The following PTPRN2 variants were observed in gnomAD, a reference collection of about 807,000 sequenced individuals.
PTPRN2 encodes protein tyrosine phosphatase receptor type N2.
PTPRN2 carries 74 observed loss-of-function variants against 118.8 expected under a neutral mutation model. The observed-to-expected ratio is 0.62, with a 90% confidence interval of 0.52 to 0.76. PTPRN2 has a LOEUF of 0.76. Among genes scored for constraint, PTPRN2 ranks in the 30% least tolerant of loss-of-function variants. The probability of loss-of-function intolerance (pLI) is 0.00; values close to 1 mark genes in which losing one functional copy is unlikely to be tolerated. For synonymous variants in PTPRN2, 641 were observed against 608.0 expected (o/e 1.05, Z -0.80); for missense variants, 1,481 against 1,394.4 (o/e 1.06, Z -0.99).
At chr7:158,441,877 G>A (rs1232182095) in intron 2 of PTPRN2, among the ~76,000 whole-genome samples, 1 of 143,028 alleles carries the variant, frequency 7.0e-6, no homozygotes, top group Non-Finnish European at 1.5e-5. Flanking sequence ...TGGCAGTGGT[G>A]GTGATAGTGA....
rs189442030 is a variant in PTPRN2 at position 158,149,836 on chromosome 7, C to G, written c.911-11321G>C. 9.9e-5 allele frequency among the ~76,000 whole-genome samples: 15 copies of G among 150,870 alleles called. 1 individual carries two copies. The highest frequency in any genetic ancestry group is 9.9e-4 in the Admixed American group (15 of 15,136). On this transcript the variant is annotated intron_variant, in intron 6 of 22. Coordinates refer to ENST00000389418, the MANE Select transcript of PTPRN2 (RefSeq NM_002847.5). Reference sequence around the variant, plus strand: ...AAAAAAAGATAAACCCAAGTGATGTCTCTTGAAAAAACAAAAAAATTACTG... The same window carrying G: ...AAAAAAAGATAAACCCAAGTGATGTGTCTTGAAAAAACAAAAAAATTACTG...
At chr7:158,343,577 C>T (rs1014535600) in intron 2 of PTPRN2, among the ~76,000 whole-genome samples, 1 of 149,250 alleles carries the variant, frequency 6.7e-6, no homozygotes, top group Non-Finnish European at 1.5e-5. Flanking sequence ...AAGCAGGGCT[C>T]GCGCAGAGGC....
At position 157,587,342 on chromosome 7, in the gene PTPRN2, C is replaced by G. The variant is rs1800740626; in HGVS notation, c.2496+7896G>C. On this transcript the variant is annotated intron_variant, in intron 17 of 22. Coordinates refer to ENST00000389418, the MANE Select transcript of PTPRN2 (RefSeq NM_002847.5). This position sits in a 1 kb window ranked among gnomAD's most constrained non-coding sequence, Gnocchi z 5.3. ...CTGCACGGTGACAGTCAGCTGTCAA[C>G]TGTCATTCTCCTGCACCTCGGCCTT... 1.3e-5 allele frequency among the ~76,000 whole-genome samples: 2 copies of G among 152,216 alleles called. No homozygotes were observed. Among genetic ancestry groups the G allele is most frequent in the Admixed American group, 6.5e-5 (1 of 15,284 alleles).
chr7:157,555,109 C>G (rs938466627), intron 21 of PTPRN2, among the ~76,000 whole-genome samples: 19 of 151,866 alleles, frequency 1.3e-4, no homozygotes, highest in Non-Finnish European at 2.8e-4. Context: ...GCCACAGACA[C>G]CAGGCTCTGC....
intron 12 of PTPRN2, among the ~76,000 whole-genome samples, chr7:157,696,904 T>A (rs1352732100): frequency 2.6e-5 from 3 of 113,414 alleles, no homozygotes; most frequent in Admixed American, 9.1e-5. Flanking sequence ...TACCCATGCA[T>A]ACTGGGTCTT....
intron 2 of PTPRN2, among the ~76,000 whole-genome samples, chr7:158,330,957 C>T (rs1469820997): frequency 9.6e-6 from 1 of 103,690 alleles, no homozygotes; most frequent in Non-Finnish European, 1.9e-5. Context: ...AGCTGTCACA[C>T]GCAGACGACA....
chr7:157,549,198 A>G (rs530115201), intron 21 of PTPRN2, among the ~76,000 whole-genome samples, 179 bp from the exon 22 acceptor site: 1 of 152,350 alleles, frequency 6.6e-6, no homozygotes, highest in African/African-American at 2.4e-5. Flanking sequence ...AGACGAAGGC[A>G]GGGGCAGCTT....
chr7:158,363,114 C>G (rs982403843), intron 2 of PTPRN2, among the ~76,000 whole-genome samples: 1 of 152,176 alleles, frequency 6.6e-6, no homozygotes, highest in African/African-American at 2.4e-5. Flanking sequence ...AAAGCCCTTT[C>G]CCTGGGGCCA....
In PTPRN2 at chr7:158,570,187, C is replaced by G. The variant is rs1024890457; in HGVS notation, c.112+17371G>C. Among the ~76,000 whole-genome samples, 1 of 152,150 alleles carries G rather than the reference C, an allele frequency of 6.6e-6. No homozygotes were observed. The highest frequency in any genetic ancestry group is 2.4e-5 in the African/African-American group (1 of 41,442). On this transcript the variant is annotated intron_variant, in intron 1 of 22. Transcript: ENST00000389418. This position sits in a 1 kb window ranked among gnomAD's most constrained non-coding sequence, Gnocchi z 4.5. ...GACCTGGGCAGCCAGGCGGGGAGCG[C>G]GCAGCCACAGCCCGCGTTTCCGGGC...
chr7:157,722,846 G>A (rs551212544), intron 12 of PTPRN2, among the ~76,000 whole-genome samples: 38 of 152,214 alleles, frequency 2.5e-4, no homozygotes, highest in Non-Finnish European at 4.7e-4. Flanking sequence ...CTGCTCCCAC[G>A]GGTTCGATGT....
At chr7:157,710,529 C>A (rs1359773960) in intron 12 of PTPRN2, among the ~76,000 whole-genome samples, 1 of 134,052 alleles carries the variant, frequency 7.5e-6, no homozygotes, top group African/African-American at 2.8e-5. Flanking sequence ...CAGAGAGTGA[C>A]ATGGCTGCGG....
chr7:158,300,711 C>T (rs1478163872), intron 3 of PTPRN2, among the ~76,000 whole-genome samples: 1 of 144,888 alleles, frequency 6.9e-6, no homozygotes, highest in Non-Finnish European at 1.5e-5. Context: ...ACCAAGGGTC[C>T]CACCCTCTCT....
intron 3 of PTPRN2, among the ~76,000 whole-genome samples, chr7:158,257,394 C>G (rs1797096154): frequency 6.6e-6 from 1 of 152,192 alleles, no homozygotes; most frequent in Non-Finnish European, 1.5e-5. Flanking sequence ...CTCAGCGTTA[C>G]AATGAGATGG....
intron 2 of PTPRN2, among the ~76,000 whole-genome samples, chr7:158,411,340 G>A (rs542951408): frequency 5.3e-5 from 8 of 152,282 alleles, no homozygotes; most frequent in Admixed American, 1.3e-4. Context: ...GTCGCTTCCC[G>A]TGATGAAGTG....
intron 5 of PTPRN2, among the ~76,000 whole-genome samples, chr7:158,189,595 A>G (rs983644861): frequency 6.6e-6 from 1 of 152,228 alleles, no homozygotes; most frequent in African/African-American, 2.4e-5. Flanking sequence ...TGCTTCACAG[A>G]AAAGTGTCAA....
At chr7:158,223,852 G>A (rs1431056185) in intron 3 of PTPRN2, among the ~76,000 whole-genome samples, 3 of 151,958 alleles carry the variant, frequency 2.0e-5, no homozygotes, top group African/African-American at 7.2e-5. Context: ...AAGATATGCA[G>A]ACACAAAGGA....
chr7:157,721,525 C>T (rs746125832), intron 12 of PTPRN2, among the ~76,000 whole-genome samples: 30 of 152,200 alleles, frequency 2.0e-4, no homozygotes, highest in Non-Finnish European at 2.6e-4. Flanking sequence ...GACTGTCAGC[C>T]GAGCCCAGCG....
intron 21 of PTPRN2, among the ~76,000 whole-genome samples, chr7:157,551,720 C>T (rs1798628697): frequency 6.9e-6 from 1 of 144,432 alleles, no homozygotes. Context: ...ACCACACACC[C>T]CACAGCCACC....
chr7:158,324,142 C>T (rs760882283), intron 2 of PTPRN2, among the ~76,000 whole-genome samples: 49 of 152,156 alleles, frequency 3.2e-4, no homozygotes, highest in Non-Finnish European at 5.3e-4. Flanking sequence ...CACGCCCACA[C>T]GCGTACGCTC....
Sources: allele counts gnomAD v4.1 joint callset (sites outside exome capture counted in the v4.1 genomes callset), GRCh38; gene constraint gnomAD v4.1.1; non-coding constraint Gnocchi (gnomAD v3.1); transcripts MANE v1.5; gene names NCBI Gene and HGNC (gene_info 2026-07-23, HGNC 2026-07-21).